The following ADAMTS2 variants were observed in gnomAD, a reference collection of about 807,000 sequenced individuals.
ADAMTS2 encodes the protein A disintegrin and metalloproteinase with thrombospondin motifs 2.
Under a neutral mutation model 123.0 loss-of-function variants are expected in ADAMTS2, and 50 were observed. The observed-to-expected ratio is 0.41, with a 90% CI of 0.32 to 0.51. The LOEUF is 0.51. ADAMTS2 is among the 20% of genes least tolerant of loss of function. The pLI, the probability that ADAMTS2 is intolerant of heterozygous loss-of-function variation, is 0.35. For missense variants in ADAMTS2, 1,494 were observed against 1,705.2 expected (o/e 0.88, Z 2.18); for synonymous variants, 678 against 695.4 (o/e 0.98, Z 0.39).
In ADAMTS2 at chr5:179,114,054, T is replaced by C. The variant is rs200982805; in HGVS notation, c.3449A>G (p.Asn1150Ser). ...GGTTTCTGGGTGATCCTCTGTGGCA[T>C]TGGTGCTGGAGGCATTGAGAGGGAC... Reference protein sequence around the residue: ...LEVPLNASSTNATEDHPETNA... With the variant: ...LEVPLNASSTSATEDHPETNA... The change falls in exon 22 of 22, where the codon AAT (asparagine) becomes AGT (serine). Residue 1150 changes from asparagine (N) to serine (S), a missense_variant. Physicochemically the swap from Asn to Ser is conservative, Grantham distance 46 (BLOSUM62 1). Around this residue, in one of 6 missense-constraint regions of ADAMTS2, gnomAD observed 953 missense variants for 1,124.7 expected, o/e 0.85. Coordinates refer to ENST00000251582, the MANE Select transcript of ADAMTS2 (RefSeq NM_014244.5). 270 of 1,614,098 alleles carry C rather than the reference T, an allele frequency of 1.7e-4. 1 individual carries two copies. The highest frequency in any genetic ancestry group is 4.0e-4 in the South Asian group (36 of 91,082).
chr5:179,295,988 C>T (rs1756319211), intron 2 of ADAMTS2, among the ~76,000 whole-genome samples: 1 of 152,212 alleles, frequency 6.6e-6, no homozygotes, highest in African/African-American at 2.4e-5. Flanking sequence ...AAATGCCTTT[C>T]TGGCTGTGGT....
chr5:179,192,094 C>A (rs1045507312), intron 4 of ADAMTS2, among the ~76,000 whole-genome samples: 3 of 152,200 alleles, frequency 2.0e-5, no homozygotes, highest in Non-Finnish European at 4.4e-5. Context: ...ACTCCCCAGG[C>A]ATCCATGCAT....
intron 3 of ADAMTS2, among the ~76,000 whole-genome samples, chr5:179,221,192 T>C (rs35523163): frequency 0.18 from 27,089 of 152,092 alleles, 2,790 homozygotes; most frequent in African/African-American, 0.27. Context: ...ACACCTCCTG[T>C]TTCTTCTTCA....
chr5:179,132,316 T>A lies in ADAMTS2; in HGVS notation c.2210-6A>T. The stretch of plus-strand genomic sequence containing the variant: ...CTCAAACATCTTGATGTAACCTTTT[T>A]TTGATGTGGAAAGACACAGAAAACT... On this transcript the variant is annotated splice_region_variant and splice_polypyrimidine_tract_variant and intron_variant, in intron 14 of 21. Transcript: ENST00000251582. This position sits in a 1 kb window ranked among gnomAD's most constrained non-coding sequence, Gnocchi z 6.1. The A allele has an allele frequency of 6.2e-7, 1 of 1,613,972 alleles. No individual in the cohort carries two copies. Among genetic ancestry groups the A allele is most frequent in the Non-Finnish European group, 8.5e-7 (1 of 1,179,884 alleles).
chr5:179,283,388 T>TCAGTTAG lies in ADAMTS2; in HGVS notation c.535-10331_535-10325dup, dbSNP rs61429464. 6.0e-3 allele frequency among the ~76,000 whole-genome samples: 913 copies of TCAGTTAG among 152,054 alleles called. 12 individuals carry two copies. Among genetic ancestry groups the TCAGTTAG allele is most frequent in the African/African-American group, 0.021 (879 of 41,480 alleles). On this transcript the variant is annotated intron_variant, in intron 2 of 21. Coordinates refer to ENST00000251582, the MANE Select transcript of ADAMTS2 (RefSeq NM_014244.5). ...ACTCGTTTCCTAATCTTCAGAATCT[T>TCAGTTAG]CAGTTAGCATCAACAGTTACTGGTA...
intron 5 of ADAMTS2, among the ~76,000 whole-genome samples, chr5:179,167,571 C>G (rs1443157164): frequency 6.6e-6 from 1 of 151,990 alleles, no homozygotes; most frequent in Non-Finnish European, 1.5e-5. Flanking sequence ...AGGCCGCCTC[C>G]GCTGGAACCG....
chr5:179,133,329 G>A (rs190987032), intron 13 of ADAMTS2, among the ~76,000 whole-genome samples: 1 of 152,118 alleles, frequency 6.6e-6, no homozygotes, highest in Admixed American at 6.5e-5. Flanking sequence ...GTACAATGGT[G>A]CAATCTCAGC....
In ADAMTS2 at chr5:179,114,090, G is replaced by A; in HGVS notation, c.3413C>T (p.Thr1138Ile). Reference protein sequence around the residue: ...VAMEVRPSPSTPLEVPLNASS... With the variant: ...VAMEVRPSPSIPLEVPLNASS... Reference sequence around the variant, plus strand: ...GGCATTGAGAGGGACCTCCAGGGGGGTGCTTGGTGATGGCCGCACCTCCAT... The same window carrying A: ...GGCATTGAGAGGGACCTCCAGGGGGATGCTTGGTGATGGCCGCACCTCCAT... Residue 1138 changes from threonine to isoleucine, a missense_variant, in exon 22 of 22, where the codon ACC becomes ATC. By Grantham distance (89) the Thr-to-Ile change is moderately conservative (BLOSUM62 -1). Transcript: ENST00000251582. The A allele has an allele frequency of 1.9e-6, 3 of 1,614,140 alleles. No individual in the cohort carries two copies. The highest frequency in any genetic ancestry group is 2.5e-6 in the Non-Finnish European group (3 of 1,180,022).
At chr5:179,205,742 C>A (rs578214948) in intron 4 of ADAMTS2, among the ~76,000 whole-genome samples, 32 of 130,470 alleles carry the variant, frequency 2.5e-4, no homozygotes, top group African/African-American at 8.9e-4. Flanking sequence ...ATAATGTAGC[C>A]ATTATGGTTT....
At chr5:179,217,866 CCTGAGG>C (rs1765035575) in intron 3 of ADAMTS2, among the ~76,000 whole-genome samples, 18 of 80,812 alleles carry the variant, frequency 2.2e-4, no homozygotes, top group African/African-American at 8.6e-4. Context: ...TAGGGGATGG[CCTGAGG>C]GCAGACGGCA....
rs182723558 is a variant in ADAMTS2 at position 179,312,525 on chromosome 5, C to T, written c.534+31242G>A. 1.2e-4 allele frequency among the ~76,000 whole-genome samples: 19 copies of T among 152,304 alleles called. No homozygotes were observed. Among genetic ancestry groups the T allele is most frequent in the East Asian group, 3.9e-4 (2 of 5,190 alleles). ...TCCAGAACCGTGAGAAATAAGCTTC[C>T]GATGCTTTTAAGCCGCTCCGTTTAT... On this transcript the variant is annotated intron_variant, in intron 2 of 21. Transcript: ENST00000251582. The surrounding 1 kb of genome is among the most constrained non-coding windows in gnomAD (Gnocchi z 4.2).
At chr5:179,343,604 C>T (rs1389211990) in intron 2 of ADAMTS2, among the ~76,000 whole-genome samples, 163 bp downstream of exon 2, 1 of 152,242 alleles carries the variant, frequency 6.6e-6, no homozygotes. Context: ...ACCTGCTTTC[C>T]AGCCAAGCCC....
intron 3 of ADAMTS2, among the ~76,000 whole-genome samples, chr5:179,237,217 C>G (rs74551133): frequency 1.3e-5 from 2 of 152,094 alleles, no homozygotes; most frequent in African/African-American, 4.8e-5. Context: ...GAGCTAGGAT[C>G]GTGCCACTGC....
chr5:179,222,825 G>C (rs1028309242), intron 3 of ADAMTS2, among the ~76,000 whole-genome samples: 9 of 152,240 alleles, frequency 5.9e-5, no homozygotes, highest in South Asian at 2.1e-4. Flanking sequence ...CCCTGAGAGG[G>C]CATCAAGTCT....
At chr5:179,127,121 G>A (rs1762874326) in intron 17 of ADAMTS2, among the ~76,000 whole-genome samples, 1 of 152,214 alleles carries the variant, frequency 6.6e-6, no homozygotes, top group South Asian at 2.1e-4. Flanking sequence ...TTACTTTGGG[G>A]TGAGAGTGGA....
chr5:179,256,034 C>G lies in ADAMTS2; in HGVS notation c.688+16877G>C, dbSNP rs460455. ...GGCAGGTACCCACCAGTCTCCTTCT[C>G]TGTCCCCAGCCTCTCCCGCAGCTTG... On this transcript the variant is annotated intron_variant, in intron 3 of 21. Coordinates refer to ENST00000251582, the MANE Select transcript of ADAMTS2 (RefSeq NM_014244.5). The surrounding 1 kb of genome is among the most constrained non-coding windows in gnomAD (Gnocchi z 4.1). Among the ~76,000 whole-genome samples the G allele has an allele frequency of 6.6e-6, 1 of 152,224 alleles. No homozygotes were observed. Among genetic ancestry groups the G allele is most frequent in the Admixed American group, 6.5e-5 (1 of 15,292 alleles).
At position 179,184,956 on chromosome 5, in the gene ADAMTS2, C is replaced by T. The variant is rs73328267; in HGVS notation, c.892-3801G>A. Among the ~76,000 whole-genome samples, 905 of 152,272 alleles carry T rather than the reference C, an allele frequency of 5.9e-3. 5 individuals carry two copies. Among genetic ancestry groups the T allele is most frequent in the African/African-American group, 0.02 (839 of 41,542 alleles). ...ATCTGCCCACTGGGGCCTGGAAGGA[C>T]GTGGCATGTCATGAGACCTGAGAAA... On this transcript the variant is annotated intron_variant, in intron 4 of 21. Transcript: ENST00000251582.
At chr5:179,139,864 G>A (rs749915067) in intron 11 of ADAMTS2, 26 bp downstream of exon 11, 2 of 1,611,184 alleles carry the variant, frequency 1.2e-6, no homozygotes, top group Non-Finnish European at 1.7e-6. Context: ...ACTCAGCAAG[G>A]CCAGGGGGAC....
At position 179,170,636 on chromosome 5, in the gene ADAMTS2, CT is replaced by C. The variant is rs377149087; in HGVS notation, c.975+10435del. Among the ~76,000 whole-genome samples the C allele has an allele frequency of 4.8e-3, 737 of 152,262 alleles. 4 individuals carry two copies. Among genetic ancestry groups the C allele is most frequent in the African/African-American group, 0.017 (689 of 41,548 alleles). ...GTTCCCTTGGACACAGGAGCTAGGC[CT>C]TTTGCCCCCAGATCTTGGCTGGGAA... is the stretch of plus-strand genomic sequence containing the variant. On this transcript the variant is annotated intron_variant, in intron 5 of 21. Transcript: ENST00000251582. This position sits in a 1 kb window ranked among gnomAD's most constrained non-coding sequence, Gnocchi z 4.3.
Sources: allele counts gnomAD v4.1 joint callset (sites outside exome capture counted in the v4.1 genomes callset), GRCh38; gene constraint gnomAD v4.1.1; regional missense constraint gnomAD v4.1.1; non-coding constraint Gnocchi (gnomAD v3.1); transcripts MANE v1.5; gene names NCBI Gene and HGNC (gene_info 2026-07-23, HGNC 2026-07-21).